The following ITM2B variants were observed in gnomAD, a reference collection of about 807,000 sequenced individuals.
ITM2B encodes integral membrane protein 2B.
A neutral mutation model predicts 27.8 loss-of-function variants in ITM2B; 11 were observed. The observed-to-expected ratio is 0.40, with a 90% CI of 0.25 to 0.66. ITM2B has a LOEUF of 0.66. Ranked by LOEUF, ITM2B falls within the 30% of genes least tolerant of loss-of-function variation. The pLI is 0.43. For synonymous variants in ITM2B, 114 were observed against 114.3 expected (o/e 1.00, Z 0.02); for missense variants, 296 against 328.9 (o/e 0.90, Z 0.77).
At chr13:48,246,463 A>T (rs922633406) in intron 1 of ITM2B, among the ~76,000 whole-genome samples, 1 of 152,218 alleles carries the variant, frequency 6.6e-6, no homozygotes, top group Non-Finnish European at 1.5e-5. Flanking sequence ...GTCCTCATGG[A>T]TTGTTAACTT....
In ITM2B at chr13:48,266,632, TC is replaced by T. The variant is rs977752457; in HGVS notation, c.*5409del. 1 of 152,104 alleles carries T rather than the reference TC, an allele frequency of 6.6e-6. No homozygotes were observed. Among genetic ancestry groups the T allele is most frequent in the Non-Finnish European group, 1.5e-5 (1 of 68,016 alleles). 9.4% of individuals were successfully genotyped at this position (152,104 alleles called of 1,614,324 possible). A position where few individuals can be genotyped will look rare whatever the true frequency, so the allele number is the denominator to read the frequency against. ...AAAGGGGGTTTTTTTGGGCAGACAA[TC>T]TTCATTATTCAGATGGAAATTAATG... is the stretch of plus-strand genomic sequence containing the variant. On this transcript the variant is annotated 3_prime_UTR_variant, in exon 6 of 6. Transcript: ENST00000647800.
chr13:48,257,285 G>A (rs375968943), intron 3 of ITM2B, among the ~76,000 whole-genome samples: 22 of 152,256 alleles, frequency 1.4e-4, no homozygotes, highest in Non-Finnish European at 2.2e-4. Flanking sequence ...TCAGATAAGA[G>A]GGACTACTGT....
chr13:48,241,498 A>T (rs780066219), intron 1 of ITM2B, among the ~76,000 whole-genome samples: 8 of 152,184 alleles, frequency 5.3e-5, no homozygotes, highest in Non-Finnish European at 1.2e-4. Flanking sequence ...AGGCTGAGCC[A>T]TAGCACCTGG....
chr13:48,245,946 T>A (rs1289481452), intron 1 of ITM2B, among the ~76,000 whole-genome samples: 1 of 151,892 alleles, frequency 6.6e-6, no homozygotes, highest in Non-Finnish European at 1.5e-5. Flanking sequence ...CCCTGGCTAA[T>A]TTTTTGTATT....
At chr13:48,258,269 TG>T in intron 4 of ITM2B, 33 bp downstream of exon 4, 2 of 1,029,508 alleles carry the variant, frequency 1.9e-6, no homozygotes, top group African/African-American at 1.6e-5. Context: ...TGATGAATGA[TG>T]CCTTCATAGT....
At position 48,258,785 on chromosome 13, in the gene ITM2B, T is replaced by C; in HGVS notation, c.565-12T>C. On this transcript the variant is annotated splice_polypyrimidine_tract_variant and intron_variant, in intron 4 of 5. Coordinates refer to ENST00000647800, the MANE Select transcript of ITM2B (RefSeq NM_021999.5). ...TGAGATAGTCATGTCATGTATTCTT[T>C]TCTGAATGTAGGCTGGAACCTATTT... The C allele has an allele frequency of 6.2e-7, 1 of 1,612,402 alleles. No individual in the cohort carries two copies. Among genetic ancestry groups the C allele is most frequent in the Non-Finnish European group, 8.5e-7 (1 of 1,178,488 alleles).
At chr13:48,242,340 C>T (rs893874103) in intron 1 of ITM2B, among the ~76,000 whole-genome samples, 1 of 152,048 alleles carries the variant, frequency 6.6e-6, no homozygotes, top group Non-Finnish European at 1.5e-5. Flanking sequence ...ACTCTGACAG[C>T]AGTATAATTG....
chr13:48,245,096 C>T (rs549305330), intron 1 of ITM2B, among the ~76,000 whole-genome samples: 4 of 152,184 alleles, frequency 2.6e-5, no homozygotes, highest in South Asian at 2.1e-4. Context: ...GAGGCTGAGG[C>T]GGGCGGATCA....
chr13:48,264,938 GCA>G lies in ITM2B; in HGVS notation c.*3719_*3720del, dbSNP rs879442745. 2.6e-5 allele frequency: 4 copies of G among 151,970 alleles called. No homozygotes were observed. Among genetic ancestry groups the G allele is most frequent in the Non-Finnish European group, 5.9e-5 (4 of 68,000 alleles). 9.4% of individuals were successfully genotyped at this position (151,970 alleles called of 1,614,324 possible). On this transcript the variant is annotated 3_prime_UTR_variant, in exon 6 of 6. Coordinates refer to ENST00000647800, the MANE Select transcript of ITM2B (RefSeq NM_021999.5). ...TGAGGCCATAAATTATTTCCTGATA[GCA>G]CACATGTATGGGTTGTAGATTCCAC... is the stretch of plus-strand genomic sequence containing the variant.
chr13:48,260,136 A>G (rs967601463), intron 5 of ITM2B, among the ~76,000 whole-genome samples: 2 of 152,120 alleles, frequency 1.3e-5, no homozygotes, highest in African/African-American at 4.8e-5. Context: ...GCTGAGAATG[A>G]TGGTTTCCAG....
intron 3 of ITM2B, 79 bp downstream of exon 3, chr13:48,256,462 G>A (rs1593395757): frequency 1.8e-6 from 2 of 1,130,512 alleles, no homozygotes; most frequent in East Asian, 4.9e-5. Flanking sequence ...TTCAATATTT[G>A]CTAATTTATT....
intron 1 of ITM2B, among the ~76,000 whole-genome samples, chr13:48,245,357 C>T (rs1194462927): frequency 6.6e-6 from 1 of 151,894 alleles, no homozygotes; most frequent in African/African-American, 2.4e-5. Flanking sequence ...TTCTGTTCAG[C>T]ATAGATTGAA....
At chr13:48,242,696 A>G (rs1951706337) in intron 1 of ITM2B, among the ~76,000 whole-genome samples, 5 of 152,236 alleles carry the variant, frequency 3.3e-5, no homozygotes, top group Admixed American at 2.0e-4. Flanking sequence ...TTGCTCCATT[A>G]TCTTCTAATG....
rs192399317 is a variant in ITM2B, at chr13:48,259,139, A to G, written c.715+192A>G. 6.3e-4 allele frequency among the ~76,000 whole-genome samples: 96 copies of G among 152,324 alleles called. 1 individual carries two copies. Among genetic ancestry groups the G allele is most frequent in the Non-Finnish European group, 1.0e-4 (7 of 68,026 alleles). The stretch of plus-strand genomic sequence containing the variant: ...GTAAGTCCACTCTTTTCAGGTGGAG[A>G]GAAAAGGTCAATGTGAAATGTCATT... On this transcript the variant is annotated intron_variant, in intron 5 of 5. Transcript: ENST00000647800.
chr13:48,237,441 T>C (rs1467295875), intron 1 of ITM2B, among the ~76,000 whole-genome samples: 2 of 152,182 alleles, frequency 1.3e-5, no homozygotes, highest in African/African-American at 2.4e-5. Context: ...CTGTAGCATA[T>C]TGGGTGTGCA....
In ITM2B at chr13:48,262,350, T is replaced by C. The variant is rs1462623535; in HGVS notation, c.*1126T>C. 1.3e-5 allele frequency: 2 copies of C among 152,140 alleles called. No homozygotes were observed. 9.4% of individuals were successfully genotyped at this position (152,140 alleles called of 1,614,324 possible). Reference sequence around the variant, plus strand: ...AGTTCCTAAGACAAAAAATTTCAATTCTGACTTTAGGAGGTCAGAGTTTTT... The same window carrying C: ...AGTTCCTAAGACAAAAAATTTCAATCCTGACTTTAGGAGGTCAGAGTTTTT... On this transcript the variant is annotated 3_prime_UTR_variant, in exon 6 of 6. Transcript: ENST00000647800.
intron 1 of ITM2B, among the ~76,000 whole-genome samples, chr13:48,240,779 G>A (rs193221070): frequency 1.3e-5 from 2 of 152,250 alleles, no homozygotes; most frequent in African/African-American, 4.8e-5. Context: ...TAAAAAAATT[G>A]TAGCATCATT....
At position 48,270,099 on chromosome 13, in the gene ITM2B, C is replaced by T. The variant is rs1951876171; in HGVS notation, c.*8875C>T. On this transcript the variant is annotated 3_prime_UTR_variant, in exon 6 of 6. Transcript: ENST00000647800. ...GTGGGCACTGCTTCCCTTCCTTTAA[C>T]CCTATCATATTGCTGCCCAGTGAGC... 1 of 152,220 alleles carries T rather than the reference C, an allele frequency of 6.6e-6. No homozygotes were observed. The highest frequency in any genetic ancestry group is 1.5e-5 in the Non-Finnish European group (1 of 68,058). 9.4% of individuals were successfully genotyped at this position (152,220 alleles called of 1,614,324 possible). A position where few individuals can be genotyped will look rare whatever the true frequency, so the allele number is the denominator to read the frequency against.
intron 2 of ITM2B, among the ~76,000 whole-genome samples, chr13:48,255,758 G>GA (rs1214559687): frequency 6.6e-6 from 1 of 151,944 alleles, no homozygotes; most frequent in Non-Finnish European, 1.5e-5. Flanking sequence ...TGGCTAATAA[G>GA]AAAAAAGTCA....
Sources: allele counts gnomAD v4.1 joint callset (sites outside exome capture counted in the v4.1 genomes callset), GRCh38; gene constraint gnomAD v4.1.1; transcripts MANE v1.5; gene names NCBI Gene and HGNC (gene_info 2026-07-23, HGNC 2026-07-21).